The following ACACA variants were observed in gnomAD, a reference collection of about 807,000 sequenced individuals.
ACACA encodes acetyl-CoA carboxylase 1.
ACACA carries 103 observed loss-of-function variants against 296.1 expected under a neutral mutation model. The ratio of observed to expected loss-of-function variants is 0.35; its 90% CI spans 0.30 to 0.41. The LOEUF (loss-of-function observed/expected upper bound fraction) is 0.41. Ranked by LOEUF, ACACA falls within the 10% of genes least tolerant of loss-of-function variation. The pLI, the probability that ACACA is intolerant of heterozygous loss-of-function variation, is 1.00. For synonymous variants in ACACA, 953 were observed against 1,038.6 expected (o/e 0.92, Z 1.58); for missense variants, 1,554 against 2,989.7 (o/e 0.52, Z 11.20).
intron 1 of ACACA, among the ~76,000 whole-genome samples, chr17:37,359,847 C>T (rs2049334981): frequency 6.6e-6 from 1 of 152,118 alleles, no homozygotes; most frequent in African/African-American, 2.4e-5. Flanking sequence ...AGACAGCCCA[C>T]TCCAAAGGTG....
At chr17:37,276,662 G>A (rs1277400687) in intron 7 of ACACA, among the ~76,000 whole-genome samples, 1 of 152,066 alleles carries the variant, frequency 6.6e-6, no homozygotes, top group African/African-American at 2.4e-5. Context: ...CATATTTAAG[G>A]GCACACTGCC....
chr17:37,244,469 G>T, intron 21 of ACACA, 119 bp downstream of exon 21: 1 of 1,264,204 alleles, frequency 7.9e-7, no homozygotes, highest in Non-Finnish European at 1.1e-6. Context: ...AGGTGAAAGA[G>T]TTCTAGGCCA....
At chr17:37,168,780 CAT>C (rs2076779288) in intron 41 of ACACA, among the ~76,000 whole-genome samples, 1 of 152,100 alleles carries the variant, frequency 6.6e-6, no homozygotes, top group Admixed American at 6.5e-5. Flanking sequence ...AGAGTGTAAA[CAT>C]ATGTATATAT....
At chr17:37,259,021 C>T (rs1296543733) in intron 12 of ACACA, among the ~76,000 whole-genome samples, 1 of 151,930 alleles carries the variant, frequency 6.6e-6, no homozygotes, top group Non-Finnish European at 1.5e-5. Flanking sequence ...ATAAAGAACA[C>T]TAGTAAAAAA....
chr17:37,112,724 T>C (rs1231551885), intron 51 of ACACA, among the ~76,000 whole-genome samples: 3 of 152,152 alleles, frequency 2.0e-5, no homozygotes, highest in African/African-American at 7.2e-5. Flanking sequence ...CTAAAACGAC[T>C]GGAGGTAAGA....
At chr17:37,193,621 T>C (rs1214049076) in intron 35 of ACACA, among the ~76,000 whole-genome samples, 2 of 152,168 alleles carry the variant, frequency 1.3e-5, no homozygotes, top group South Asian at 2.1e-4. Context: ...AATCACCACA[T>C]TATAAACCTA....
At chr17:37,254,464 C>A (rs921810301) in intron 14 of ACACA, among the ~76,000 whole-genome samples, 1 of 152,142 alleles carries the variant, frequency 6.6e-6, no homozygotes, top group South Asian at 2.1e-4. Context: ...TTCTGGGATA[C>A]CTTCCCAGAA....
At chr17:37,234,674 G>T (rs1195888807) in intron 25 of ACACA, among the ~76,000 whole-genome samples, 1 of 152,158 alleles carries the variant, frequency 6.6e-6, no homozygotes, top group Non-Finnish European at 1.5e-5. Context: ...TAAAGCTGCT[G>T]TCATGATGAC....
chr17:37,286,641 G>A (rs2082786915), intron 3 of ACACA, among the ~76,000 whole-genome samples: 2 of 152,286 alleles, frequency 1.3e-5, no homozygotes, highest in Non-Finnish European at 2.9e-5. Flanking sequence ...TCTTTCAACA[G>A]TCTGGTGAAA....
chr17:37,089,739 C>T (rs778820602), intron 54 of ACACA, among the ~76,000 whole-genome samples: 6 of 152,126 alleles, frequency 3.9e-5, no homozygotes, highest in African/African-American at 4.8e-5. Flanking sequence ...CTCAACAAAC[C>T]ACCTCTCACC....
chr17:37,156,255 G>A lies in ACACA; in HGVS notation c.5350-475C>T, dbSNP rs559676950. Among the ~76,000 whole-genome samples the A allele has an allele frequency of 9.2e-5, 14 of 151,892 alleles. No homozygotes were observed. In the South Asian group the frequency reaches 2.3e-3, roughly 25 times the overall value. ...ATTTTTTGTATTTTTAGTAGCGACA[G>A]GGTTTCACCGTGTTAGCCAGGATGG... On this transcript the variant is annotated intron_variant, in intron 42 of 55. Coordinates refer to ENST00000616317, the MANE Select transcript of ACACA (RefSeq NM_198834.3).
chr17:37,261,340 T>C (rs2081505588), intron 11 of ACACA, among the ~76,000 whole-genome samples: 1 of 152,214 alleles, frequency 6.6e-6, no homozygotes. Flanking sequence ...CAGAAGCCAG[T>C]AAATAATAGA....
At chr17:37,252,409 C>T (rs529211752) in intron 15 of ACACA, among the ~76,000 whole-genome samples, 8 of 152,262 alleles carry the variant, frequency 5.3e-5, no homozygotes, top group South Asian at 2.1e-4. Flanking sequence ...AAAGACACAA[C>T]GATTTGGCTA....
chr17:37,189,917 G>A (rs1019454131), intron 38 of ACACA, among the ~76,000 whole-genome samples: 1 of 151,910 alleles, frequency 6.6e-6, no homozygotes, highest in African/African-American at 2.4e-5. Context: ...ACTCATGCCT[G>A]TAATCCCAGC....
intron 52 of ACACA, among the ~76,000 whole-genome samples, chr17:37,099,333 C>T (rs1029022358): frequency 6.6e-6 from 1 of 152,192 alleles, no homozygotes; most frequent in African/African-American, 2.4e-5. Context: ...CTTTAGGCCC[C>T]GGCGCCTCAG....
intron 42 of ACACA, among the ~76,000 whole-genome samples, chr17:37,157,531 CT>C (rs397687787): frequency 1.5e-3 from 138 of 90,478 alleles, no homozygotes; most frequent in Non-Finnish European, 2.1e-3. Context: ...ATCATTCTAT[CT>C]TTTTTTTTTT....
intron 5 of ACACA, among the ~76,000 whole-genome samples, chr17:37,280,755 A>ACACACACC (rs1351561195): frequency 6.6e-6 from 1 of 151,588 alleles, no homozygotes; most frequent in Admixed American, 6.6e-5. Context: ...ACACACACAC[A>ACACACACC]CACACACCCC....
chr17:37,137,430 T>A (rs988359696), intron 45 of ACACA, among the ~76,000 whole-genome samples: 1 of 152,124 alleles, frequency 6.6e-6, no homozygotes, highest in African/African-American at 2.4e-5. Context: ...TTAGAACACA[T>A]GAAAGGCCTA....
chr17:37,386,280 A>C (rs2050525687), intron 1 of ACACA, among the ~76,000 whole-genome samples: 1 of 152,118 alleles, frequency 6.6e-6, no homozygotes, highest in Non-Finnish European at 1.5e-5. Context: ...AAATCATTCA[A>C]TTTTTTATTT....
Sources: allele counts gnomAD v4.1 joint callset (sites outside exome capture counted in the v4.1 genomes callset), GRCh38; gene constraint gnomAD v4.1.1; transcripts MANE v1.5; gene names NCBI Gene and HGNC (gene_info 2026-07-23, HGNC 2026-07-21).